LBH: variants seen among roughly 807,000 people sequenced by gnomAD.
The protein encoded by LBH is protein LBH.
In LBH, 7 loss-of-function variants were observed where a neutral mutation model predicts 12.5. The observed-to-expected ratio is 0.56, with a 90% CI of 0.32 to 1.05. The LOEUF (loss-of-function observed/expected upper bound fraction) is 1.05. LBH is among the 50% of genes least tolerant of loss of function. The pLI, the probability that LBH is intolerant of heterozygous loss-of-function variation, is 0.04. For missense variants in LBH, 119 were observed against 138.9 expected (o/e 0.86, Z 0.72); for synonymous variants, 51 against 50.1 (o/e 1.02, Z -0.08).
At chr2:30,256,593 C>T (rs927648482) in intron 2 of LBH, 1 of 152,194 alleles carries the variant, frequency 6.6e-6, no homozygotes, top group Non-Finnish European at 1.5e-5. Flanking sequence ...TCTCGGCTCA[C>T]CACAAGCTCC....
At chr2:30,255,288 C>T (rs1489620167) in intron 2 of LBH, among the ~76,000 whole-genome samples, 1 of 142,944 alleles carries the variant, frequency 7.0e-6, no homozygotes, top group Non-Finnish European at 1.6e-5. Flanking sequence ...AAAAAGCCCA[C>T]GTGGCGCTCC....
intron 1 of LBH, chr2:30,234,172 T>G: frequency 1.9e-6 from 1 of 520,832 alleles, no homozygotes; most frequent in Non-Finnish European, 3.5e-6. Context: ...AGGGAAGAGG[T>G]TTGCCAGAGA....
intron 1 of LBH, among the ~76,000 whole-genome samples, chr2:30,233,503 A>G: frequency 6.6e-6 from 1 of 152,262 alleles, no homozygotes; most frequent in African/African-American, 2.4e-5. Flanking sequence ...AACCATGTGC[A>G]CAGGCACGAT....
chr2:30,257,740 T>G lies in LBH; in HGVS notation c.*119T>G. 1.4e-6 allele frequency: 1 copy of G among 726,848 alleles called. No homozygotes were observed. Among genetic ancestry groups the G allele is most frequent in the African/African-American group, 1.8e-5 (1 of 54,620 alleles). 45.0% of individuals were successfully genotyped at this position (726,848 alleles called of 1,614,324 possible). On this transcript the variant is annotated 3_prime_UTR_variant, in exon 3 of 3. Coordinates refer to ENST00000395323, the MANE Select transcript of LBH (RefSeq NM_030915.4). The stretch of plus-strand genomic sequence containing the variant: ...TGTTCTGAAAATGTCAAACGAGGCT[T>G]CTGTTTTGCACCTGCAGATCACCGA...
At position 30,258,884 on chromosome 2, in the gene LBH, G is replaced by C. The variant is rs1299516889; in HGVS notation, c.*1263G>C. ...CAAGGGCAGAAGGGAGGCATGGCAAGGGACCTCTGCTGTCCTTACTCAACA... is the reference window on the plus strand; with the variant it reads ...CAAGGGCAGAAGGGAGGCATGGCAACGGACCTCTGCTGTCCTTACTCAACA... On this transcript the variant is annotated 3_prime_UTR_variant, in exon 3 of 3. Coordinates refer to ENST00000395323, the MANE Select transcript of LBH (RefSeq NM_030915.4). The C allele has an allele frequency of 1.3e-5, 2 of 152,296 alleles. No individual in the cohort carries two copies. The highest frequency in any genetic ancestry group is 2.4e-5 in the African/African-American group (1 of 41,548). The allele number at this position is 152,296 out of a possible 1,614,324, so 9.4% of individuals were successfully genotyped here.
intron 2 of LBH, among the ~76,000 whole-genome samples, chr2:30,251,733 A>C (rs1677982584): frequency 6.6e-6 from 1 of 151,252 alleles, no homozygotes. Context: ...TTTTATTTTT[A>C]TTAACAGAAA....
In LBH at chr2:30,237,163, A is replaced by T. The variant is rs533652291; in HGVS notation, c.129+2656A>T. Among the ~76,000 whole-genome samples the T allele has an allele frequency of 4.6e-5, 7 of 152,302 alleles. No individual in the cohort carries two copies. The East Asian group carries it at 1.2e-3, about 25-fold the overall frequency. Reference sequence around the variant, plus strand: ...TCTGTTCTTGGCATTCCTCCTAAGGATAATAATAGTACGTGGCTTTTACTG... The same window carrying T: ...TCTGTTCTTGGCATTCCTCCTAAGGTTAATAATAGTACGTGGCTTTTACTG... On this transcript the variant is annotated intron_variant, in intron 2 of 2. Transcript: ENST00000395323.
At chr2:30,245,509 C>T (rs931673309) in intron 2 of LBH, among the ~76,000 whole-genome samples, 8 of 152,156 alleles carry the variant, frequency 5.3e-5, no homozygotes, top group Admixed American at 6.5e-5. Context: ...CAGCTTTGAG[C>T]TTGGTCCTAT....
chr2:30,246,072 C>T (rs578106900), intron 2 of LBH, among the ~76,000 whole-genome samples: 110 of 152,140 alleles, frequency 7.2e-4, no homozygotes, highest in African/African-American at 2.6e-3. Context: ...GATTCTCATG[C>T]CTCAGCCTCC....
At chr2:30,250,771 C>T (rs561686467) in intron 2 of LBH, among the ~76,000 whole-genome samples, 1 of 151,996 alleles carries the variant, frequency 6.6e-6, no homozygotes, top group African/African-American at 2.4e-5. Flanking sequence ...TGAGGAATTC[C>T]TGGTCTCCAG....
rs917509530 is a variant in LBH at position 30,259,179 on chromosome 2, G to A, written c.*1558G>A. On this transcript the variant is annotated 3_prime_UTR_variant, in exon 3 of 3. Coordinates refer to ENST00000395323, the MANE Select transcript of LBH (RefSeq NM_030915.4). ...TCCAGGTTGACCCTCAGTTCTGGAC[G>A]TGTGTATATAGCTGTATTTAATACC... The A allele has an allele frequency of 3.9e-5, 6 of 152,882 alleles. No individual in the cohort carries two copies. The South Asian group carries it at 8.3e-4, about 21-fold the overall frequency. 9.5% of individuals were successfully genotyped at this position (152,882 alleles called of 1,614,324 possible).
At chr2:30,233,688 G>T (rs1005084698) in intron 1 of LBH, among the ~76,000 whole-genome samples, 3 of 152,234 alleles carry the variant, frequency 2.0e-5, no homozygotes, top group Admixed American at 6.5e-5. Flanking sequence ...GGCCAGCTTG[G>T]CCCCTCTGGA....
chr2:30,242,523 G>A (rs929704728), intron 2 of LBH, among the ~76,000 whole-genome samples: 1 of 152,104 alleles, frequency 6.6e-6, no homozygotes, highest in Non-Finnish European at 1.5e-5. Flanking sequence ...GATTACAGGC[G>A]TGAGCCACCA....
intron 2 of LBH, among the ~76,000 whole-genome samples, chr2:30,242,658 C>G (rs946085772): frequency 6.6e-6 from 1 of 152,190 alleles, no homozygotes; most frequent in African/African-American, 2.4e-5. Flanking sequence ...CAGTATTTTT[C>G]TATGCACTTA....
chr2:30,237,028 C>T (rs1368280628), intron 2 of LBH, among the ~76,000 whole-genome samples: 1 of 152,242 alleles, frequency 6.6e-6, no homozygotes, highest in Non-Finnish European at 1.5e-5. Context: ...TCCAATTAGA[C>T]ACATTCCCAC....
At position 30,257,719 on chromosome 2, in the gene LBH, C is replaced by T. The variant is rs1029182375; in HGVS notation, c.*98C>T. 3.4e-6 allele frequency: 3 copies of T among 873,520 alleles called. No individual in the cohort carries two copies. In the South Asian group the frequency reaches 6.4e-5, roughly 19 times the overall value. The allele number at this position is 873,520 out of a possible 1,614,324, so 54.1% of individuals were successfully genotyped here. ...AAGAAGAGAGTGAGCCGCAATTGTT[C>T]TGAAAATGTCAAACGAGGCTTCTGT... On this transcript the variant is annotated 3_prime_UTR_variant, in exon 3 of 3. Coordinates refer to ENST00000395323, the MANE Select transcript of LBH (RefSeq NM_030915.4).
intron 2 of LBH, among the ~76,000 whole-genome samples, chr2:30,250,926 C>A (rs1212570168): frequency 6.6e-6 from 1 of 151,900 alleles, no homozygotes; most frequent in African/African-American, 2.4e-5. Flanking sequence ...AGCCACTCGC[C>A]ACACAGGGCC....
At position 30,257,790 on chromosome 2, in the gene LBH, C is replaced by CATTTTTT; in HGVS notation, c.*169_*170insATTTTTT. The CATTTTTT allele has an allele frequency of 2.5e-6, 1 of 400,780 alleles. No homozygotes were observed. Among genetic ancestry groups the CATTTTTT allele is most frequent in the East Asian group, 4.3e-5 (1 of 23,014 alleles). The allele number at this position is 400,780 out of a possible 1,614,324, so 24.8% of individuals were successfully genotyped here. ...AGTTGGTTTTCTTTTCTTTTCTTGCCTTTTTTTTTTTTTGAAATTTGCCGA... is the reference window on the plus strand; with the variant it reads ...AGTTGGTTTTCTTTTCTTTTCTTGCCATTTTTTTTTTTTTTTTTTTGAAATTTGCCGA... On this transcript the variant is annotated 3_prime_UTR_variant, in exon 3 of 3. Coordinates refer to ENST00000395323, the MANE Select transcript of LBH (RefSeq NM_030915.4).
At chr2:30,240,971 T>C (rs1677779415) in intron 2 of LBH, among the ~76,000 whole-genome samples, 1 of 152,234 alleles carries the variant, frequency 6.6e-6, no homozygotes, top group Non-Finnish European at 1.5e-5. Context: ...ACAGATACAG[T>C]TGGTGTCTAA....
Sources: allele counts gnomAD v4.1 joint callset (sites outside exome capture counted in the v4.1 genomes callset), GRCh38; gene constraint gnomAD v4.1.1; transcripts MANE v1.5; gene names NCBI Gene and HGNC (gene_info 2026-07-23, HGNC 2026-07-21).